The following ANKS1B variants were observed in gnomAD, a reference collection of about 807,000 sequenced individuals.
ANKS1B encodes ankyrin repeat and sterile alpha motif domain-containing protein 1B.
Under a neutral mutation model 148.3 loss-of-function variants are expected in ANKS1B, and 36 were observed. That is an observed-to-expected ratio of 0.24 (90% CI 0.19 to 0.32). The LOEUF (loss-of-function observed/expected upper bound fraction) is 0.32. Among genes scored for constraint, ANKS1B ranks in the 10% least tolerant of loss-of-function variants. ANKS1B has a pLI of 1.00. For synonymous variants in ANKS1B, 542 were observed against 560.8 expected (o/e 0.97, Z 0.47); for missense variants, 1,157 against 1,542.6 (o/e 0.75, Z 4.19).
intron 9 of ANKS1B, among the ~76,000 whole-genome samples, chr12:99,637,527 C>A (rs993402193): frequency 6.6e-6 from 1 of 152,044 alleles, no homozygotes; most frequent in Non-Finnish European, 1.5e-5. Context: ...GAAAGGCAGA[C>A]CCACCCTTAA....
At chr12:99,420,895 T>A (rs2095060267) in intron 11 of ANKS1B, among the ~76,000 whole-genome samples, 1 of 152,222 alleles carries the variant, frequency 6.6e-6, no homozygotes, top group Admixed American at 6.5e-5. Flanking sequence ...AGTACCTTTA[T>A]GTTTCTAACT....
chr12:99,411,992 C>T (rs1297035777), intron 11 of ANKS1B, among the ~76,000 whole-genome samples: 1 of 152,162 alleles, frequency 6.6e-6, no homozygotes, highest in Non-Finnish European at 1.5e-5. Flanking sequence ...CATCAATGAA[C>T]AAATAAGATA....
At chr12:98,956,945 T>C (rs1159354839) in intron 17 of ANKS1B, among the ~76,000 whole-genome samples, 3 of 152,216 alleles carry the variant, frequency 2.0e-5, no homozygotes, top group Non-Finnish European at 2.9e-5. Context: ...CCATCTCAAC[T>C]TTTAAGAATC....
chr12:99,108,811 G>A, intron 15 of ANKS1B, among the ~76,000 whole-genome samples: 1 of 152,100 alleles, frequency 6.6e-6, no homozygotes, highest in East Asian at 1.9e-4. Context: ...CTTTCAGTAG[G>A]ACACTTTATG....
chr12:99,446,915 AT>A (rs1451725940), intron 10 of ANKS1B, among the ~76,000 whole-genome samples: 2 of 152,094 alleles, frequency 1.3e-5, no homozygotes, highest in African/African-American at 2.4e-5. Context: ...TGACGTTAGC[AT>A]TTTGGAGTTG....
At chr12:99,210,446 A>G (rs1318908251) in intron 14 of ANKS1B, among the ~76,000 whole-genome samples, 1 of 152,180 alleles carries the variant, frequency 6.6e-6, no homozygotes. Context: ...CAAGTAACTT[A>G]CAAAATTAAA....
chr12:99,052,476 C>A (rs1267788747), intron 17 of ANKS1B, among the ~76,000 whole-genome samples: 1 of 148,398 alleles, frequency 6.7e-6, no homozygotes, highest in African/African-American at 2.5e-5. Flanking sequence ...GCCTGTAATC[C>A]CAGCACTTTG....
At chr12:99,280,810 G>A (rs553887263) in intron 12 of ANKS1B, among the ~76,000 whole-genome samples, 2 of 151,820 alleles carry the variant, frequency 1.3e-5, no homozygotes, top group South Asian at 2.1e-4. Context: ...GTCAGCCTCC[G>A]TAATAGCATG....
chr12:99,783,101 G>T (rs980930825), intron 4 of ANKS1B, among the ~76,000 whole-genome samples: 4 of 151,180 alleles, frequency 2.6e-5, no homozygotes, highest in Admixed American at 2.0e-4. Flanking sequence ...TGAGACAGGG[G>T]AATTGCTTGA....
intron 12 of ANKS1B, among the ~76,000 whole-genome samples, chr12:99,297,512 C>T (rs1172959869): frequency 1.3e-5 from 2 of 152,182 alleles, no homozygotes; most frequent in Non-Finnish European, 2.9e-5. Flanking sequence ...ATGTTAGGAA[C>T]TGTGCTAGGC....
At chr12:99,024,607 A>G (rs1176958659) in intron 17 of ANKS1B, among the ~76,000 whole-genome samples, 1 of 152,188 alleles carries the variant, frequency 6.6e-6, no homozygotes, top group Non-Finnish European at 1.5e-5. Context: ...TAGTTTCATT[A>G]AATTGATCTT....
chr12:99,747,213 C>T (rs892013457), intron 8 of ANKS1B, among the ~76,000 whole-genome samples: 6 of 152,070 alleles, frequency 3.9e-5, no homozygotes, highest in African/African-American at 1.4e-4. Flanking sequence ...GGCATCACCA[C>T]CTTGGAATTT....
chr12:99,732,137 C>T (rs4986698), intron 8 of ANKS1B, among the ~76,000 whole-genome samples: 66,284 of 151,912 alleles, frequency 0.44, 14,854 homozygotes, highest in South Asian at 0.61. Context: ...ATGGCTAAAA[C>T]TTAAAAGACT....
chr12:98,743,860 A>T, downstream of ANKS1B: 1 of 376,354 alleles, frequency 2.7e-6, no homozygotes, highest in Non-Finnish European at 3.7e-6. Flanking sequence ...TTTTCTCAAC[A>T]ATTTTGCCAA....
intron 12 of ANKS1B, among the ~76,000 whole-genome samples, chr12:99,344,193 C>T (rs2090338768): frequency 2.0e-5 from 3 of 151,916 alleles, no homozygotes; most frequent in Non-Finnish European, 2.9e-5. Flanking sequence ...ACACAAACCA[C>T]TGTGTGTGTA....
At chr12:98,813,756 T>C (rs2099116782) in intron 19 of ANKS1B, among the ~76,000 whole-genome samples, 1 of 152,184 alleles carries the variant, frequency 6.6e-6, no homozygotes, top group South Asian at 2.1e-4. Flanking sequence ...AGTTTCACCA[T>C]GTTGGCCAGG....
chr12:99,221,365 T>A (rs1662853439), intron 14 of ANKS1B, among the ~76,000 whole-genome samples: 1 of 151,846 alleles, frequency 6.6e-6, no homozygotes, highest in African/African-American at 2.4e-5. Context: ...AAAATAAAAT[T>A]TGCATGGTAA....
chr12:99,082,174 T>A (rs536063250), intron 16 of ANKS1B, among the ~76,000 whole-genome samples: 1 of 152,214 alleles, frequency 6.6e-6, no homozygotes, highest in South Asian at 2.1e-4. Flanking sequence ...TCCCTGACCT[T>A]ATGGACCTTG....
intron 17 of ANKS1B, chr12:99,048,905 A>G (rs944674269): frequency 7.9e-5 from 12 of 152,266 alleles, no homozygotes; most frequent in Admixed American, 2.0e-4. Context: ...GGAAAAGTCT[A>G]AAGCTCAGAG....
Sources: gnomAD v4.1 joint callset for allele counts (sites outside exome capture counted in the v4.1 genomes callset) on GRCh38, gnomAD v4.1.1 for gene constraint, MANE v1.5 for transcripts, NCBI Gene and HGNC (gene_info 2026-07-23, HGNC 2026-07-21) for gene names.